The following XXYLT1 variants were observed in gnomAD, a reference collection of about 807,000 sequenced individuals.
XXYLT1 encodes UDP-xylose:alpha-xyloside alpha-1,3-xylosyltransferase.
In XXYLT1, 20 loss-of-function variants were observed where a neutral mutation model predicts 28.9. That is an observed-to-expected ratio of 0.69 (90% CI 0.49 to 1.00). The LOEUF is 1.00. XXYLT1 is among the 50% of genes least tolerant of loss of function. The probability of loss-of-function intolerance (pLI) is 0.00; values close to 1 mark genes in which losing one functional copy is unlikely to be tolerated. For missense variants in XXYLT1, 542 were observed against 560.1 expected (o/e 0.97, Z 0.33); for synonymous variants, 257 against 253.8 (o/e 1.01, Z -0.12).
At chr3:195,128,478 C>T (rs1718746900) in intron 3 of XXYLT1, among the ~76,000 whole-genome samples, 1 of 152,198 alleles carries the variant, frequency 6.6e-6, no homozygotes. Context: ...CCCATCCTCA[C>T]CAGGATAAAG....
chr3:195,218,829 G>T (rs1230550221), intron 2 of XXYLT1, among the ~76,000 whole-genome samples: 1 of 151,874 alleles, frequency 6.6e-6, no homozygotes, highest in Non-Finnish European at 1.5e-5. Context: ...ATACCCAAAG[G>T]ACTATAAATC....
rs1357280176 is a variant in XXYLT1 at position 195,124,510 on chromosome 3, TC to T, written c.785+31938del. Among the ~76,000 whole-genome samples the T allele has an allele frequency of 6.6e-6, 1 of 152,108 alleles. No individual in the cohort carries two copies. Among genetic ancestry groups the T allele is most frequent in the Non-Finnish European group, 1.5e-5 (1 of 68,034 alleles). ...ATAATTTGTCTAGTGTTTCTAGGCC[TC>T]CCCCTCTAGACTGTGAATTCCGTGG... On this transcript the variant is annotated intron_variant, in intron 3 of 3. Coordinates refer to ENST00000310380, the MANE Select transcript of XXYLT1 (RefSeq NM_152531.5). The surrounding 1 kb of genome is among the most constrained non-coding windows in gnomAD (Gnocchi z 4.1).
In XXYLT1 at chr3:195,186,109, C is replaced by T. The variant is rs553802811; in HGVS notation, c.653-29528G>A. 9.2e-5 allele frequency among the ~76,000 whole-genome samples: 14 copies of T among 152,296 alleles called. No individual in the cohort carries two copies. In the East Asian group the frequency reaches 2.1e-3, roughly 23 times the overall value. On this transcript the variant is annotated intron_variant, in intron 2 of 3. Coordinates refer to ENST00000310380, the MANE Select transcript of XXYLT1 (RefSeq NM_152531.5). The stretch of plus-strand genomic sequence containing the variant: ...GCTACATGATCAAGTTTCCCCAGAA[C>T]TTTTGAAAGCCACCACAGAGCTGCT...
intron 3 of XXYLT1, among the ~76,000 whole-genome samples, chr3:195,144,386 T>C (rs2108654164): frequency 6.7e-6 from 1 of 149,958 alleles, no homozygotes; most frequent in East Asian, 2.0e-4. Flanking sequence ...CGGTTCCTCC[T>C]TTTTTTTTGA....
intron 3 of XXYLT1, among the ~76,000 whole-genome samples, chr3:195,097,912 G>T (rs947015755): frequency 6.6e-6 from 1 of 152,112 alleles, no homozygotes; most frequent in Admixed American, 6.6e-5. Context: ...CTGGTGGAGG[G>T]GAACCGAGAA....
In XXYLT1 at chr3:195,240,906, A is replaced by G. The variant is rs911043178; in HGVS notation, c.505-14050T>C. ...GTGCCACTGCACTCCTGCCTGGGCA[A>G]CAGAGCAAGACTCCATCTCAAATAA... is the stretch of plus-strand genomic sequence containing the variant. On this transcript the variant is annotated intron_variant, in intron 1 of 3. Coordinates refer to ENST00000310380, the MANE Select transcript of XXYLT1 (RefSeq NM_152531.5). The surrounding 1 kb of genome is among the most constrained non-coding windows in gnomAD (Gnocchi z 4.7). 6.6e-6 allele frequency among the ~76,000 whole-genome samples: 1 copy of G among 152,258 alleles called. No homozygotes were observed. Among genetic ancestry groups the G allele is most frequent in the Admixed American group, 6.5e-5 (1 of 15,292 alleles).
chr3:195,132,212 A>C (rs1043521591), intron 3 of XXYLT1, among the ~76,000 whole-genome samples: 6 of 152,222 alleles, frequency 3.9e-5, no homozygotes, highest in East Asian at 1.9e-4. Flanking sequence ...CTCACTTCTA[A>C]AATGGGGATA....
chr3:195,155,956 C>A (rs1294512370), intron 3 of XXYLT1, among the ~76,000 whole-genome samples: 1 of 152,206 alleles, frequency 6.6e-6, no homozygotes, highest in Non-Finnish European at 1.5e-5. Context: ...ACAGGCTTGA[C>A]AATCAAATGC....
At chr3:195,097,961 A>C (rs1339263964) in intron 3 of XXYLT1, among the ~76,000 whole-genome samples, 1 of 151,562 alleles carries the variant, frequency 6.6e-6, no homozygotes, top group Non-Finnish European at 1.5e-5. Flanking sequence ...ATAAGGAAGG[A>C]CCCACAGAGT....
At chr3:195,135,458 G>C (rs1338061169) in intron 3 of XXYLT1, among the ~76,000 whole-genome samples, 1 of 152,154 alleles carries the variant, frequency 6.6e-6, no homozygotes. Context: ...AAGAGAAAGG[G>C]GTGTTGGGAG....
At chr3:195,082,062 A>G (rs75229195) in intron 3 of XXYLT1, among the ~76,000 whole-genome samples, 3,786 of 152,234 alleles carry the variant, frequency 0.025, 163 homozygotes, top group African/African-American at 0.087. Context: ...TGATTACAAC[A>G]TGGATTTGCT....
chr3:195,175,868 C>A, intron 2 of XXYLT1: 1 of 1,410,210 alleles, frequency 7.1e-7, no homozygotes, highest in East Asian at 2.6e-5. Flanking sequence ...AAAGCCAATG[C>A]ATCCAGTGTG....
chr3:195,157,234 C>T (rs1309213920), intron 2 of XXYLT1, among the ~76,000 whole-genome samples: 8 of 109,466 alleles, frequency 7.3e-5, no homozygotes, highest in African/African-American at 1.5e-4. Context: ...CAGAGCAAGG[C>T]GCCATCTCAA....
intron 1 of XXYLT1, among the ~76,000 whole-genome samples, chr3:195,235,787 C>A (rs917753081): frequency 6.6e-6 from 1 of 152,178 alleles, no homozygotes; most frequent in Non-Finnish European, 1.5e-5. Flanking sequence ...TTTGTAGATG[C>A]ACCACCTTGA....
intron 2 of XXYLT1, among the ~76,000 whole-genome samples, chr3:195,222,417 C>T (rs1250322177): frequency 6.6e-6 from 1 of 152,190 alleles, no homozygotes; most frequent in Non-Finnish European, 1.5e-5. Flanking sequence ...TGTACAGACA[C>T]CAGTAGGCTT....
At chr3:195,188,998 T>A (rs1253826070) in intron 2 of XXYLT1, among the ~76,000 whole-genome samples, 2 of 152,202 alleles carry the variant, frequency 1.3e-5, no homozygotes, top group African/African-American at 4.8e-5. Flanking sequence ...CCTCACACAA[T>A]GATAATACCA....
intron 2 of XXYLT1, among the ~76,000 whole-genome samples, chr3:195,172,621 G>A (rs760005698): frequency 5.3e-5 from 8 of 152,218 alleles, no homozygotes; most frequent in Non-Finnish European, 1.2e-4. Flanking sequence ...AGACAGGCAG[G>A]GGTCCCACTC....
chr3:195,216,195 C>T (rs1207598811), intron 2 of XXYLT1, among the ~76,000 whole-genome samples: 1 of 151,726 alleles, frequency 6.6e-6, no homozygotes, highest in Non-Finnish European at 1.5e-5. Flanking sequence ...ACTAAGTGCC[C>T]ACAAGAGAAA....
chr3:195,247,521 G>A (rs953371800), intron 1 of XXYLT1, among the ~76,000 whole-genome samples: 2 of 152,322 alleles, frequency 1.3e-5, no homozygotes, highest in Non-Finnish European at 2.9e-5. Context: ...GCTTCCTCTA[G>A]GGGCCGGCCT....
Sources: gnomAD v4.1 joint callset for allele counts (sites outside exome capture counted in the v4.1 genomes callset) on GRCh38, gnomAD v4.1.1 for gene constraint, Gnocchi (gnomAD v3.1) non-coding constraint, MANE v1.5 for transcripts, NCBI Gene and HGNC (gene_info 2026-07-23, HGNC 2026-07-21) for gene names.